MYH16: variants seen among roughly 807,000 people sequenced by gnomAD.
MYH16 encodes the protein putative uncharacterized protein MYH16.
At chr7:99,307,746 T>A (rs1792702288), downstream of MYH16, among the ~76,000 whole-genome samples, 1 of 152,070 alleles carries the variant, frequency 6.6e-6, no homozygotes, top group South Asian at 2.1e-4. Context: ...TTTTATTTAT[T>A]TATTTGAGAG....
intron 29 of MYH16, 64 bp downstream of exon 10, chr7:99,288,201 G>C: frequency 4.5e-6 from 2 of 441,820 alleles, no homozygotes; most frequent in South Asian, 3.2e-5. Context: ...ACTTTGGGAG[G>C]CTGAGGCAGG....
intron 18 of MYH16, among the ~76,000 whole-genome samples, chr7:99,267,688 T>C (rs1354002519): frequency 6.6e-6 from 1 of 152,180 alleles, no homozygotes; most frequent in Non-Finnish European, 1.5e-5. Flanking sequence ...CAGAGCAACC[T>C]CCTGCTCCTG....
exon 21 of MYH16, chr7:99,277,675 G>A: frequency 2.2e-6 from 1 of 456,750 alleles, no homozygotes; most frequent in South Asian, 1.5e-5. Flanking sequence ...GCCACGCTCA[G>A]CCAGGAGAAG....
intron 29 of MYH16, 28 bp downstream of exon 10, chr7:99,288,165 CA>C: frequency 2.2e-6 from 1 of 454,510 alleles, no homozygotes; most frequent in Non-Finnish European, 4.4e-6. Context: ...GGGCCGGACG[CA>C]GTGGCTCACT....
chr7:99,294,785 C>T (rs1792457105), intron 33 of MYH16, among the ~76,000 whole-genome samples: 2 of 151,868 alleles, frequency 1.3e-5, no homozygotes, highest in Admixed American at 6.6e-5. Flanking sequence ...AGGCTGGTCT[C>T]GAACTCCTGA....
exon 41 of MYH16, chr7:99,305,930 T>G (rs1792671617): frequency 1.3e-5 from 2 of 152,734 alleles, no homozygotes; most frequent in African/African-American, 2.4e-5. Flanking sequence ...CTCAAAGAGC[T>G]GGTCTTCCAG....
At chr7:99,258,689 C>A (rs1791901526) in intron 11 of MYH16, among the ~76,000 whole-genome samples, 1 of 152,032 alleles carries the variant, frequency 6.6e-6, no homozygotes. Flanking sequence ...ATTTTGTGAG[C>A]CAGTTGACAT....
At chr7:99,302,325 C>T (rs1479696747) in intron 38 of MYH16, among the ~76,000 whole-genome samples, 16 of 126,494 alleles carry the variant, frequency 1.3e-4, no homozygotes, top group African/African-American at 4.6e-4. Context: ...TATACACACA[C>T]ACACACACAC....
intron 12 of MYH16, chr7:99,261,010 T>A (rs915641695): frequency 6.6e-6 from 1 of 151,998 alleles, no homozygotes; most frequent in Non-Finnish European, 1.5e-5. Context: ...GAGGTTGCAG[T>A]GAGCCGAGAT....
intron 1 of MYH16, among the ~76,000 whole-genome samples, chr7:99,242,467 C>G (rs1791677522): frequency 6.6e-6 from 1 of 151,606 alleles, no homozygotes; most frequent in Non-Finnish European, 1.5e-5. Flanking sequence ...AAGACCTTGT[C>G]TCTAGAAAAA....
chr7:99,262,969 A>C (rs1370512783), intron 13 of MYH16, among the ~76,000 whole-genome samples: 1 of 152,204 alleles, frequency 6.6e-6, no homozygotes, highest in Non-Finnish European at 1.5e-5. Flanking sequence ...AAGAAGACCC[A>C]AGGGTCAGGG....
intron 25 of MYH16, 130 bp downstream of exon 7, chr7:99,284,148 A>T (rs1297155239): frequency 5.6e-6 from 2 of 359,960 alleles, no homozygotes; most frequent in Non-Finnish European, 1.1e-5. Flanking sequence ...AGCACCTGGC[A>T]GGCATGGAGG....
downstream of MYH16, among the ~76,000 whole-genome samples, chr7:99,307,725 C>T (rs1452822372): frequency 6.6e-6 from 1 of 152,000 alleles, no homozygotes; most frequent in African/African-American, 2.4e-5. Flanking sequence ...AAAAAAAAGT[C>T]AAAATACTAG....
At chr7:99,260,157 G>A (rs562560604) in intron 11 of MYH16, 46 of 1,601,180 alleles carry the variant, frequency 2.9e-5, no homozygotes, top group Middle Eastern at 1.8e-4. Context: ...CCCTCCTGCC[G>A]CCACAGTTCA....
At chr7:99,283,647 A>G (rs1376456640) in exon 24 of MYH16, 4 of 456,652 alleles carry the variant, frequency 8.8e-6, no homozygotes, top group South Asian at 6.2e-5. Context: ...ACGCAGATCC[A>G]TGAGGTAATA....
intron 18 of MYH16, among the ~76,000 whole-genome samples, chr7:99,267,755 T>C (rs915552209): frequency 6.6e-6 from 1 of 152,162 alleles, no homozygotes; most frequent in Non-Finnish European, 1.5e-5. Flanking sequence ...TGCAGCATCC[T>C]GGTGGGGTTG....
At chr7:99,283,630 G>A (rs1792233625) in exon 24 of MYH16, 1 of 456,526 alleles carries the variant, frequency 2.2e-6, no homozygotes, top group African/African-American at 2.0e-5. Context: ...ATAACAGCAA[G>A]CTGAGCACGC....
intron 19 of MYH16, among the ~76,000 whole-genome samples, chr7:99,272,467 G>A (rs777971142): frequency 1.1e-4 from 17 of 152,088 alleles, no homozygotes; most frequent in Non-Finnish European, 2.2e-4. Flanking sequence ...GCCAGGTGTG[G>A]TAGCCCATAC....
At chr7:99,292,385 AG>A (rs1211245774) in exon 32 of MYH16, 1 of 457,026 alleles carries the variant, frequency 2.2e-6, no homozygotes, top group Non-Finnish European at 4.4e-6. Context: ...CAGCTGGAGG[AG>A]GAGCAGGGAG....
Sources: gnomAD v4.1 joint callset for allele counts (sites outside exome capture counted in the v4.1 genomes callset) on GRCh38, gnomAD v4.1.1 for gene constraint, MANE v1.5 for transcripts, NCBI Gene and HGNC (gene_info 2026-07-23, HGNC 2026-07-21) for gene names.